SLC12A7: variants seen among roughly 807,000 people sequenced by gnomAD.
The protein encoded by SLC12A7 is solute carrier family 12 member 7, also known as K-Cl cotransporter 4.
Under a neutral mutation model 120.6 loss-of-function variants are expected in SLC12A7, and 100 were observed. The ratio of observed to expected loss-of-function variants is 0.83; its 90% CI spans 0.71 to 0.98. The LOEUF is 0.98. Ranked by LOEUF, SLC12A7 falls within the 50% of genes least tolerant of loss-of-function variation. The pLI is 0.00. For missense variants in SLC12A7, 1,373 were observed against 1,548.1 expected (o/e 0.89, Z 1.90); for synonymous variants, 760 against 678.0 (o/e 1.12, Z -1.88).
chr5:1,152,945 C>A, the SLC12A7 span, among the ~76,000 whole-genome samples: 1 of 152,244 alleles, frequency 6.6e-6, no homozygotes, highest in Non-Finnish European at 1.5e-5. Flanking sequence ...GCATGCAATT[C>A]CTGTGGCGCC....
At chr5:1,138,215 CCACATCATTGA>C in the SLC12A7 span, among the ~76,000 whole-genome samples, 1 of 152,162 alleles carries the variant, frequency 6.6e-6, no homozygotes, top group Non-Finnish European at 1.5e-5. Flanking sequence ...CACAAACCTT[CCACATCATTGA>C]AATGAACCCC....
At chr5:1,123,299 G>A in the SLC12A7 span, among the ~76,000 whole-genome samples, 42 of 152,252 alleles carry the variant, frequency 2.8e-4, no homozygotes, top group African/African-American at 9.6e-4. Context: ...CATGCTGGGC[G>A]TGCAGAGCAG....
intron 12 of SLC12A7, among the ~76,000 whole-genome samples, chr5:1,077,567 C>T (rs968122384): frequency 1.3e-5 from 2 of 152,184 alleles, no homozygotes; most frequent in African/African-American, 4.8e-5. Context: ...CCTCTGGACA[C>T]GTGGCTGTGG....
intron 9 of SLC12A7, among the ~76,000 whole-genome samples, chr5:1,080,719 C>G (rs1738963380): frequency 6.6e-6 from 1 of 152,220 alleles, no homozygotes; most frequent in Non-Finnish European, 1.5e-5. Context: ...GCCCCACCCA[C>G]CGCCGGAACA....
intron 17 of SLC12A7, among the ~76,000 whole-genome samples, chr5:1,069,208 C>T (rs554301753): frequency 3.0e-4 from 46 of 152,362 alleles, no homozygotes; most frequent in Middle Eastern, 3.4e-3. Flanking sequence ...TGGCCATCCA[C>T]GTGGCCAACG....
chr5:1,093,722 G>T, intron 2 of SLC12A7, 67 bp from the exon 3 acceptor site: 1 of 1,595,642 alleles, frequency 6.3e-7, no homozygotes. Flanking sequence ...CTCCCTCCCC[G>T]TGTTCAGGGT....
chr5:1,151,653 C>A, the SLC12A7 span, among the ~76,000 whole-genome samples: 5 of 152,140 alleles, frequency 3.3e-5, no homozygotes, highest in East Asian at 9.7e-4. The surrounding 1 kb of genome is among the most constrained non-coding windows in gnomAD (Gnocchi z 6.2). Context: ...GCTGAGGGAC[C>A]CTGAGTTCCA....
intron 17 of SLC12A7, 121 bp downstream of exon 17, chr5:1,073,512 A>C (rs1737940660): frequency 2.6e-6 from 3 of 1,157,054 alleles, no homozygotes; most frequent in South Asian, 3.5e-5. Flanking sequence ...GCCACGGCTA[A>C]AACACAGCAG....
chr5:1,075,617 A>C (rs1738245444), intron 14 of SLC12A7, 127 bp from the exon 15 acceptor site: 1 of 1,361,992 alleles, frequency 7.3e-7, no homozygotes, highest in Admixed American at 2.6e-5. Flanking sequence ...ACAGTCACTG[A>C]CGCCTGACGA....
chr5:1,153,655 G>C, the SLC12A7 span, among the ~76,000 whole-genome samples: 2 of 152,190 alleles, frequency 1.3e-5, no homozygotes, highest in Admixed American at 1.3e-4. Context: ...ATTTCCCCCG[G>C]AACAAACAAG....
In SLC12A7 at chr5:1,078,023, C is replaced by G; in HGVS notation, c.1455-16G>C. On this transcript the variant is annotated splice_polypyrimidine_tract_variant and intron_variant, in intron 11 of 23. Transcript: ENST00000264930. Reference sequence around the variant, plus strand: ...CTCCCCGAACCTGCAGGCAGGCGGGCAGGCGGGCGGGCGGCTTTCAGAAGT... The same window carrying G: ...CTCCCCGAACCTGCAGGCAGGCGGGGAGGCGGGCGGGCGGCTTTCAGAAGT... 6.5e-7 allele frequency: 1 copy of G among 1,545,162 alleles called. No individual in the cohort carries two copies. Among genetic ancestry groups the G allele is most frequent in the Non-Finnish European group, 8.7e-7 (1 of 1,146,192 alleles).
the SLC12A7 span, among the ~76,000 whole-genome samples, chr5:1,139,799 C>T: frequency 6.6e-6 from 1 of 152,248 alleles, no homozygotes; most frequent in African/African-American, 2.4e-5. Flanking sequence ...CCGAGCCCCA[C>T]TTCCCAGTCT....
rs533991351 is a variant in SLC12A7, at chr5:1,094,538, A to G, written c.125-290T>C. 4.7e-4 allele frequency among the ~76,000 whole-genome samples: 71 copies of G among 152,308 alleles called. 3 individuals are homozygous for G. The South Asian group carries it at 0.014, about 31-fold the overall frequency. On this transcript the variant is annotated intron_variant, in intron 1 of 23. Coordinates refer to ENST00000264930, the MANE Select transcript of SLC12A7 (RefSeq NM_006598.3). Reference sequence around the variant, plus strand: ...AGGACACAAGCTATCCCCAGAACACACGCTAGCTCCAGGGCATACGCTATC... The same window carrying G: ...AGGACACAAGCTATCCCCAGAACACGCGCTAGCTCCAGGGCATACGCTATC...
chr5:1,064,558 A>G (rs1489020167), intron 18 of SLC12A7, among the ~76,000 whole-genome samples: 2 of 152,132 alleles, frequency 1.3e-5, no homozygotes, highest in Admixed American at 6.5e-5. Context: ...CAGAGCACAC[A>G]CCCTCGGGTC....
the SLC12A7 span, among the ~76,000 whole-genome samples, chr5:1,140,560 G>A: frequency 6.6e-6 from 1 of 152,226 alleles, no homozygotes; most frequent in African/African-American, 2.4e-5. Context: ...GCGTCATTCT[G>A]TAAACAGGGA....
At chr5:1,096,755 GGGA>G (rs1741216019) in intron 1 of SLC12A7, among the ~76,000 whole-genome samples, 1 of 15,190 alleles carries the variant, frequency 6.6e-5, no homozygotes, top group Non-Finnish European at 1.4e-4. Context: ...GAAGGAAGGA[GGGA>G]GGAAGGAAAG....
chr5:1,129,192 C>G, the SLC12A7 span, among the ~76,000 whole-genome samples: 3 of 152,216 alleles, frequency 2.0e-5, no homozygotes, highest in Admixed American at 6.5e-5. Context: ...GGACACCCCT[C>G]CAAGAGGCCT....
rs754919899 is a variant in SLC12A7 at position 1,074,614 on chromosome 5, G to A, written c.2025C>T (p.Tyr675=). ...GACCGTGCTCCACGCGCAGCAGGGC[G>A]TAGCGGGCGGCGTTCAGGGATAGGC... is the stretch of plus-strand genomic sequence containing the variant. ...IRGLSLNAAR[Y]ALLRVEHGPP... is the part of the protein sequence containing the mutation. Residue 675 remains tyrosine, a synonymous_variant, in exon 16 of 24, where the codon TAC becomes TAT. Coordinates refer to ENST00000264930, the MANE Select transcript of SLC12A7 (RefSeq NM_006598.3). The A allele has an allele frequency of 2.5e-5, 40 of 1,612,726 alleles. No homozygotes were observed. Among genetic ancestry groups the A allele is most frequent in the Middle Eastern group, 3.3e-4 (2 of 6,078 alleles).
intron 1 of SLC12A7, 118 bp from the exon 2 acceptor site, chr5:1,094,366 A>G: frequency 1.3e-6 from 1 of 743,166 alleles, no homozygotes; most frequent in Non-Finnish European, 2.4e-6. Context: ...CCTCTAAACC[A>G]TGGCTAAGGG....
Sources: allele counts gnomAD v4.1 joint callset (sites outside exome capture counted in the v4.1 genomes callset), GRCh38; gene constraint gnomAD v4.1.1; non-coding constraint Gnocchi (gnomAD v3.1); transcripts MANE v1.5; gene names NCBI Gene and HGNC (gene_info 2026-07-23, HGNC 2026-07-21).